The following TRIO variants were observed in gnomAD, a reference collection of about 807,000 sequenced individuals.
TRIO encodes the protein triple functional domain protein.
Under a neutral mutation model 351.9 loss-of-function variants are expected in TRIO, and 58 were observed. The observed-to-expected ratio is 0.16, with a 90% confidence interval of 0.13 to 0.21. The LOEUF (loss-of-function observed/expected upper bound fraction) is 0.21, where lower values mean the gene tolerates loss of function less well. Among genes scored for constraint, TRIO ranks in the 10% least tolerant of loss-of-function variants. TRIO has a pLI of 1.00. For missense variants in TRIO, 3,201 were observed against 4,027.8 expected, an observed-to-expected ratio of 0.79 and a Z score of 5.56; for synonymous variants, 1,758 against 1,595.7, an observed-to-expected ratio of 1.10 and a Z score of -2.42.
chr5:14,405,995 G>A lies in TRIO; in HGVS notation c.4859+5G>A, dbSNP rs1219022372. 5.0e-6 allele frequency: 8 copies of A among 1,612,378 alleles called. No homozygotes were observed. Among genetic ancestry groups the A allele is most frequent in the East Asian group, 2.2e-5 (1 of 44,860 alleles). On this transcript the variant is annotated splice_donor_5th_base_variant and intron_variant, in intron 32 of 56. Transcript: ENST00000344204. ...CACAAGACAGAAGGGAAGGAGGTGC[G>A]TGTCTGGGCGCCACTGGAGGTTTGT...
At chr5:14,359,293 GATCTGGTATCTAAC>G in intron 12 of TRIO, 50 bp from the exon 13 acceptor site, 1 of 1,562,820 alleles carries the variant, frequency 6.4e-7, no homozygotes, top group Non-Finnish European at 8.7e-7. Context: ...TGCGTGGCCG[GATCTGGTATCTAAC>G]AATGTGTGAC....
chr5:14,305,247 T>A (rs1738258109), intron 8 of TRIO, among the ~76,000 whole-genome samples: 1 of 152,234 alleles, frequency 6.6e-6, no homozygotes. Flanking sequence ...CTGCATGTTC[T>A]CAGTCACCAC....
chr5:14,149,742 G>A (rs1268767120), intron 1 of TRIO, among the ~76,000 whole-genome samples: 1 of 149,684 alleles, frequency 6.7e-6, no homozygotes, highest in Non-Finnish European at 1.5e-5. Flanking sequence ...GAGGATTGTA[G>A]AGTAGTCTAG....
intron 1 of TRIO, among the ~76,000 whole-genome samples, chr5:14,239,171 A>G (rs1793976125): frequency 6.6e-6 from 1 of 152,190 alleles, no homozygotes; most frequent in African/African-American, 2.4e-5. Flanking sequence ...ATTTCAGAAT[A>G]TATAAGTGGT....
chr5:14,395,307 T>A (rs1021852011), intron 28 of TRIO, among the ~76,000 whole-genome samples: 1 of 152,252 alleles, frequency 6.6e-6, no homozygotes, highest in African/African-American at 2.4e-5. Flanking sequence ...GCAAAATAAG[T>A]CAGGAGGCTA....
At chr5:14,378,721 G>A (rs1027606513) in intron 20 of TRIO, among the ~76,000 whole-genome samples, 2 of 151,960 alleles carry the variant, frequency 1.3e-5, no homozygotes, top group African/African-American at 4.8e-5. Context: ...CACCACGCCT[G>A]GGTAATTTTT....
chr5:14,343,150 C>T (rs1233938757), intron 11 of TRIO, among the ~76,000 whole-genome samples: 2 of 151,890 alleles, frequency 1.3e-5, no homozygotes, highest in Non-Finnish European at 2.9e-5. Context: ...TTCACCAAGC[C>T]TCCCACAGCG....
intron 34 of TRIO, among the ~76,000 whole-genome samples, chr5:14,437,705 C>T (rs1018662571): frequency 1.4e-4 from 21 of 147,444 alleles, no homozygotes; most frequent in Non-Finnish European, 2.5e-4. Flanking sequence ...GCCCCAAGGA[C>T]CTCATTTTAA....
At chr5:14,430,537 C>T (rs1171196536) in intron 34 of TRIO, among the ~76,000 whole-genome samples, 2 of 152,062 alleles carry the variant, frequency 1.3e-5, no homozygotes, top group Admixed American at 6.6e-5. Context: ...CAAAGTTCTT[C>T]GTGAATCCAA....
chr5:14,366,764 A>G (rs1579443596), intron 15 of TRIO, 96 bp from the exon 16 acceptor site: 1 of 1,539,258 alleles, frequency 6.5e-7, no homozygotes, highest in East Asian at 2.3e-5. Context: ...TGCCAGGAGC[A>G]ACTGGACTAT....
intron 1 of TRIO, among the ~76,000 whole-genome samples, chr5:14,179,675 C>T (rs1789632197): frequency 6.6e-6 from 1 of 152,142 alleles, no homozygotes; most frequent in Admixed American, 6.5e-5. Context: ...TCTCGAACTC[C>T]TGGGCTCAAG....
chr5:14,402,046 T>C (rs1318072290), intron 31 of TRIO, among the ~76,000 whole-genome samples: 1 of 152,200 alleles, frequency 6.6e-6, no homozygotes, highest in Admixed American at 6.5e-5. Flanking sequence ...GATAGTGGGT[T>C]GTTTTGCAGT....
intron 1 of TRIO, among the ~76,000 whole-genome samples, chr5:14,248,481 C>G (rs1794563511): frequency 6.6e-6 from 1 of 152,234 alleles, no homozygotes; most frequent in Non-Finnish European, 1.5e-5. Context: ...TTTATGTTGA[C>G]TGTGTGGATT....
chr5:14,262,840 T>A (rs1795432328), intron 1 of TRIO, among the ~76,000 whole-genome samples: 1 of 152,102 alleles, frequency 6.6e-6, no homozygotes, highest in Non-Finnish European at 1.5e-5. Flanking sequence ...GGGTTGGATG[T>A]TCAGGGGGGC....
intron 9 of TRIO, among the ~76,000 whole-genome samples, chr5:14,329,309 A>C (rs1392475299): frequency 1.3e-5 from 2 of 152,238 alleles, no homozygotes. Flanking sequence ...GTGTCCCCCC[A>C]AATTCATGTT....
At chr5:14,480,531 T>C (rs1174828142) in intron 43 of TRIO, among the ~76,000 whole-genome samples, 1 of 152,216 alleles carries the variant, frequency 6.6e-6, no homozygotes, top group Admixed American at 6.5e-5. Context: ...CTCTGTTGGC[T>C]TAACACTAGC....
intron 26 of TRIO, chr5:14,390,536 C>T (rs1746976315): frequency 3.5e-6 from 2 of 564,810 alleles, no homozygotes; most frequent in African/African-American, 3.8e-5. Context: ...CAGGTCTCCG[C>T]TTGACCCTGG....
chr5:14,413,220 G>A (rs940984305), intron 33 of TRIO, among the ~76,000 whole-genome samples: 2 of 152,212 alleles, frequency 1.3e-5, no homozygotes, highest in African/African-American at 4.8e-5. Flanking sequence ...AGAATGAAAT[G>A]TTTTACTTCA....
At chr5:14,236,376 C>T (rs899841764) in intron 1 of TRIO, among the ~76,000 whole-genome samples, 4 of 152,192 alleles carry the variant, frequency 2.6e-5, no homozygotes, top group Admixed American at 2.6e-4. Flanking sequence ...ACTTGCCATA[C>T]TGAAGGTAAT....
Sources: gnomAD v4.1 joint callset for allele counts (sites outside exome capture counted in the v4.1 genomes callset) on GRCh38, gnomAD v4.1.1 for gene constraint, MANE v1.5 for transcripts, NCBI Gene and HGNC (gene_info 2026-07-23, HGNC 2026-07-21) for gene names.